The following CEP162 variants were observed in gnomAD, a reference collection of about 807,000 sequenced individuals.
The protein encoded by CEP162 is centrosomal protein 162.
In CEP162, 141 loss-of-function variants were observed where a neutral mutation model predicts 169.2. The observed-to-expected ratio is 0.83, with a 90% CI of 0.73 to 0.96. CEP162 has a LOEUF of 0.96. Ranked by LOEUF, CEP162 falls within the 40% of genes least tolerant of loss-of-function variation. The pLI is 0.00. For synonymous variants in CEP162, 540 were observed against 526.4 expected (o/e 1.03, Z -0.35); for missense variants, 1,600 against 1,587.2 (o/e 1.01, Z -0.14).
intron 15 of CEP162, 130 bp from the exon 16 acceptor site, chr6:84,174,318 A>G (rs1187290627): frequency 3.8e-6 from 3 of 787,890 alleles, no homozygotes; most frequent in East Asian, 5.4e-5. Flanking sequence ...AGAATGTGAC[A>G]TAACTAGTTA....
chr6:84,191,067 T>C (rs534681039), intron 11 of CEP162, among the ~76,000 whole-genome samples: 1 of 152,326 alleles, frequency 6.6e-6, no homozygotes, highest in East Asian at 1.9e-4. Context: ...AGTTTCATTA[T>C]TGGCACATGG....
intron 9 of CEP162, 81 bp from the exon 10 acceptor site, chr6:84,195,156 C>T: frequency 8.8e-7 from 1 of 1,136,586 alleles, no homozygotes; most frequent in Non-Finnish European, 1.2e-6. Context: ...CATTCCTTAA[C>T]CTGTTAGGAA....
intron 6 of CEP162, among the ~76,000 whole-genome samples, chr6:84,207,121 T>C (rs1304245020): frequency 1.3e-5 from 2 of 152,164 alleles, no homozygotes; most frequent in South Asian, 4.1e-4. Flanking sequence ...ACACTGTTGG[T>C]AGAAGTGTAA....
At chr6:84,205,778 T>C (rs1349911973) in intron 6 of CEP162, among the ~76,000 whole-genome samples, 1 of 151,744 alleles carries the variant, frequency 6.6e-6, no homozygotes, top group Non-Finnish European at 1.5e-5. Flanking sequence ...GGAAGTCAAA[T>C]TGTCCCTGTT....
At chr6:84,158,242 C>T (rs2129206652) in intron 21 of CEP162, among the ~76,000 whole-genome samples, 1 of 152,304 alleles carries the variant, frequency 6.6e-6, no homozygotes, top group East Asian at 1.9e-4. Flanking sequence ...TTGGGTTAGA[C>T]TGTGCCACCA....
At chr6:84,190,553 G>C (rs1250478135) in intron 11 of CEP162, among the ~76,000 whole-genome samples, 3 of 151,974 alleles carry the variant, frequency 2.0e-5, no homozygotes, top group African/African-American at 7.3e-5. Flanking sequence ...AGCCCAGCGA[G>C]ACCACGAGCC....
intron 25 of CEP162, among the ~76,000 whole-genome samples, chr6:84,145,371 T>C (rs115607926): frequency 6.6e-6 from 1 of 152,170 alleles, no homozygotes; most frequent in Admixed American, 6.6e-5. Context: ...AAAGAGCCTA[T>C]ATGATTAATC....
At position 84,193,691 on chromosome 6, in the gene CEP162, C is replaced by G. The variant is rs2099540840; in HGVS notation, c.1028-1G>C. The G allele has an allele frequency of 6.5e-7, 1 of 1,546,490 alleles. No homozygotes were observed. Among genetic ancestry groups the G allele is most frequent in the East Asian group, 2.4e-5 (1 of 42,096 alleles). Reference sequence around the variant, plus strand: ...ATCAGCTCCTCTACTGTGGGCAGATCTAAGAGGTGGAAAAAAAAGTAGAAA... The same window carrying G: ...ATCAGCTCCTCTACTGTGGGCAGATGTAAGAGGTGGAAAAAAAAGTAGAAA... On this transcript the variant is annotated splice_acceptor_variant, in intron 10 of 26. Transcript: ENST00000403245. LOFTEE classifies it high-confidence loss of function.
At position 84,153,090 on chromosome 6, in the gene CEP162, C is replaced by G; in HGVS notation, c.3084G>C (p.Glu1028Asp). ...CTTCCTTGATGTCATCAAGTTCCTT[C>G]TCTAGGGCTTTAATTCTGGGAGAGT... The part of the protein sequence containing the change: ...QHDSPRIKAL[E>D]KELDDIKEAH... Residue 1028 changes from glutamate (E) to aspartate (D), a missense_variant, in exon 23 of 27, where the codon GAG (glutamate) becomes GAC (aspartate). By Grantham distance (45) the Glu-to-Asp change is conservative. Transcript: ENST00000403245. The G allele has an allele frequency of 1.2e-6, 2 of 1,613,176 alleles. No individual in the cohort carries two copies. The highest frequency in any genetic ancestry group is 1.7e-6 in the Non-Finnish European group (2 of 1,179,614).
intron 13 of CEP162, among the ~76,000 whole-genome samples, chr6:84,175,683 C>T (rs1588797727): frequency 1.3e-5 from 2 of 152,064 alleles, no homozygotes. Context: ...GTTAAATGTT[C>T]ATAGCAATAA....
At chr6:84,194,617 C>A (rs1310750738) in intron 10 of CEP162, among the ~76,000 whole-genome samples, 1 of 151,966 alleles carries the variant, frequency 6.6e-6, no homozygotes, top group African/African-American at 2.4e-5. Context: ...CCATGCCCAG[C>A]TAATTTTTGT....
At chr6:84,172,747 G>T (rs2099530665) in intron 16 of CEP162, among the ~76,000 whole-genome samples, 1 of 152,052 alleles carries the variant, frequency 6.6e-6, no homozygotes, top group Admixed American at 6.6e-5. Flanking sequence ...CATTGATGGG[G>T]CAATGCTTTT....
intron 24 of CEP162, among the ~76,000 whole-genome samples, chr6:84,147,727 A>G (rs776653218): frequency 5.3e-5 from 8 of 152,202 alleles, no homozygotes; most frequent in Non-Finnish European, 8.8e-5. Flanking sequence ...AAGGTAGACA[A>G]TATTATCTTT....
chr6:84,156,920 A>G (rs1261131546), intron 21 of CEP162, among the ~76,000 whole-genome samples: 1 of 152,132 alleles, frequency 6.6e-6, no homozygotes, highest in Non-Finnish European at 1.5e-5. Flanking sequence ...ATGTACACAC[A>G]TGTATATACA....
At chr6:84,200,341 G>T (rs903778312) in intron 9 of CEP162, among the ~76,000 whole-genome samples, 2 of 152,214 alleles carry the variant, frequency 1.3e-5, no homozygotes, top group Non-Finnish European at 2.9e-5. Flanking sequence ...TTATCTCAAA[G>T]ACCTTTATAA....
intron 25 of CEP162, among the ~76,000 whole-genome samples, chr6:84,128,012 A>G (rs1031607961): frequency 1.3e-5 from 2 of 152,198 alleles, no homozygotes; most frequent in African/African-American, 4.8e-5. Flanking sequence ...TAAGCCTTAT[A>G]TATGTTTACT....
rs2099536662 is a variant in CEP162, at chr6:84,185,328, C to T, written c.1522G>A (p.Ala508Thr). Reference protein sequence around the residue: ...LKRKPQSGLYASVRSSGYGKP... With the variant: ...LKRKPQSGLYTSVRSSGYGKP... ...CCATAGCCTGAGCTCCTAACTGACG[C>T]ATATAATCCACTCTGGGGTTTCCTT... The change falls in exon 13 of 27, where the codon GCG becomes ACG. Residue 508 changes from alanine to threonine, a missense_variant. By Grantham distance (58) the Ala-to-Thr change is moderately conservative (BLOSUM62 0). Coordinates refer to ENST00000403245, the MANE Select transcript of CEP162 (RefSeq NM_014895.4). 3 of 1,613,610 alleles carry T rather than the reference C, an allele frequency of 1.9e-6. No homozygotes were observed.
intron 11 of CEP162, among the ~76,000 whole-genome samples, 156 bp from the exon 12 acceptor site, chr6:84,186,779 A>G (rs765471797): frequency 9.9e-5 from 13 of 131,864 alleles, no homozygotes; most frequent in Admixed American, 2.0e-4. Flanking sequence ...TATAATTTTG[A>G]TTAACAGTAC....
intron 6 of CEP162, among the ~76,000 whole-genome samples, chr6:84,205,927 C>G (rs1404757296): frequency 6.7e-5 from 10 of 148,636 alleles, no homozygotes; most frequent in Non-Finnish European, 1.0e-4. Context: ...ACACCAATAA[C>G]AGACAAACAG....
Sources: gnomAD v4.1 joint callset for allele counts (sites outside exome capture counted in the v4.1 genomes callset) on GRCh38, gnomAD v4.1.1 for gene constraint, MANE v1.5 for transcripts, NCBI Gene and HGNC (gene_info 2026-07-23, HGNC 2026-07-21) for gene names.